Variants in PIGK observed in about 807,000 individuals in gnomAD.
The protein encoded by PIGK is GPI-anchor transamidase.
In PIGK, 42 loss-of-function variants were observed where a neutral mutation model predicts 50.6. The observed-to-expected ratio is 0.83, with a 90% CI of 0.65 to 1.07. The LOEUF is 1.07. PIGK is among the 50% of genes least tolerant of loss of function. The pLI, the probability that PIGK is intolerant of heterozygous loss-of-function variation, is 0.00. For synonymous variants in PIGK, 151 were observed against 156.0 expected (o/e 0.97, Z 0.24); for missense variants, 448 against 488.7 (o/e 0.92, Z 0.78).
chr1:77,171,585 A>G (rs566902864), intron 3 of PIGK, among the ~76,000 whole-genome samples: 19 of 152,204 alleles, frequency 1.2e-4, no homozygotes, highest in Non-Finnish European at 2.4e-4. Context: ...TCAACTTAAA[A>G]TCATAAATGT....
chr1:77,091,473 CAG>C lies in PIGK; in HGVS notation c.*899_*900del, dbSNP rs1271975208. On this transcript the variant is annotated 3_prime_UTR_variant, in exon 11 of 11. Transcript: ENST00000370812. The stretch of plus-strand genomic sequence containing the variant: ...AGTGGGCAAGGAGGTTTACCTAAAA[CAG>C]AATGAAATAAAGTCCTTGTTGGCTC... 6.6e-6 allele frequency: 1 copy of C among 152,150 alleles called. No homozygotes were observed. The highest frequency in any genetic ancestry group is 1.5e-5 in the Non-Finnish European group (1 of 68,010). The allele number at this position is 152,150 out of a possible 1,614,324, so 9.4% of individuals were successfully genotyped here.
intron 10 of PIGK, among the ~76,000 whole-genome samples, chr1:77,119,328 T>C (rs1199417969): frequency 6.6e-6 from 1 of 152,230 alleles, no homozygotes; most frequent in East Asian, 1.9e-4. Flanking sequence ...ATTCTTATTA[T>C]ACAGGTCTAT....
In PIGK at chr1:77,198,324, C is replaced by T. The variant is rs555819575; in HGVS notation, c.239+8316G>A. Reference sequence around the variant, plus strand: ...CTGTTAACTGTAAACATCACGTTACCTCTCAATAATACATTTTTCTCATGT... The same window carrying T: ...CTGTTAACTGTAAACATCACGTTACTTCTCAATAATACATTTTTCTCATGT... On this transcript the variant is annotated intron_variant, in intron 3 of 10. Coordinates refer to ENST00000370812, the MANE Select transcript of PIGK (RefSeq NM_005482.3). Among the ~76,000 whole-genome samples, 5 of 152,060 alleles carry T rather than the reference C, an allele frequency of 3.3e-5. No homozygotes were observed. The South Asian group carries it at 1.0e-3, about 32-fold the overall frequency.
At chr1:77,195,311 G>A (rs1042201089) in intron 3 of PIGK, 17 of 1,339,794 alleles carry the variant, frequency 1.3e-5, no homozygotes, top group Non-Finnish European at 1.7e-5. Flanking sequence ...AAGAAAGGCT[G>A]TTTTCAGGGC....
At chr1:77,097,412 A>G (rs919361062) in intron 10 of PIGK, among the ~76,000 whole-genome samples, 4 of 152,120 alleles carry the variant, frequency 2.6e-5, no homozygotes, top group African/African-American at 4.8e-5. Context: ...AAAGTTACCA[A>G]TTAGAGGTAA....
intron 9 of PIGK, among the ~76,000 whole-genome samples, chr1:77,144,293 A>C (rs1302782552): frequency 6.6e-6 from 1 of 151,982 alleles, no homozygotes; most frequent in East Asian, 1.9e-4. Flanking sequence ...AAAGACATAA[A>C]TCAAAGAACT....
Position 77,178,953 on chromosome 1 carries a change from G to C in PIGK, c.240-9558C>G, listed in dbSNP as rs550246162. On this transcript the variant is annotated intron_variant, in intron 3 of 10. Transcript: ENST00000370812. ...CACACTCTCACCTAAGTGAGAACCTGACTAAAAAGGGGAAATTTTTTTAAA... is the reference window on the plus strand; with the variant it reads ...CACACTCTCACCTAAGTGAGAACCTCACTAAAAAGGGGAAATTTTTTTAAA... Among the ~76,000 whole-genome samples, 4 of 152,302 alleles carry C rather than the reference G, an allele frequency of 2.6e-5. 1 individual carries two copies. In the East Asian group the frequency reaches 7.7e-4, roughly 29 times the overall value.
At chr1:77,201,115 A>G (rs916994151) in intron 3 of PIGK, among the ~76,000 whole-genome samples, 6 of 152,240 alleles carry the variant, frequency 3.9e-5, no homozygotes, top group African/African-American at 4.8e-5. Context: ...ACAGCAGCAT[A>G]AAGAGCAATA....
chr1:77,206,485 TA>T (rs1261871409), intron 3 of PIGK, among the ~76,000 whole-genome samples, 154 bp downstream of exon 3: 1 of 152,202 alleles, frequency 6.6e-6, no homozygotes, highest in Non-Finnish European at 1.5e-5. Context: ...ATCTAATTTA[TA>T]CATGGTAGTA....
At chr1:77,193,103 C>T (rs1266505926) in intron 3 of PIGK, among the ~76,000 whole-genome samples, 1 of 152,156 alleles carries the variant, frequency 6.6e-6, no homozygotes, top group Non-Finnish European at 1.5e-5. Context: ...TAATATAAAA[C>T]TCTGTGAAAT....
At chr1:77,183,064 G>C (rs1655657906) in intron 3 of PIGK, among the ~76,000 whole-genome samples, 1 of 152,140 alleles carries the variant, frequency 6.6e-6, no homozygotes, top group South Asian at 2.1e-4. Flanking sequence ...AGAAAGAGTT[G>C]AAATTGTGGA....
At chr1:77,122,398 T>C in intron 9 of PIGK, 39 bp from the exon 10 acceptor site, 1 of 1,091,680 alleles carries the variant, frequency 9.2e-7, no homozygotes, top group Middle Eastern at 2.1e-4. Context: ...CTAAGGCAAA[T>C]ACTATTTTGA....
chr1:77,208,011 T>TA (rs2100586950), intron 2 of PIGK, among the ~76,000 whole-genome samples: 2 of 152,110 alleles, frequency 1.3e-5, no homozygotes, highest in South Asian at 4.2e-4. Flanking sequence ...CACTTGAGGT[T>TA]AGGAGTTAAA....
chr1:77,184,523 T>C (rs1655696097), intron 3 of PIGK, among the ~76,000 whole-genome samples: 1 of 152,176 alleles, frequency 6.6e-6, no homozygotes, highest in South Asian at 2.1e-4. Flanking sequence ...GAAAGGGAAA[T>C]GATCAGACAT....
chr1:77,163,741 G>C, intron 6 of PIGK, 105 bp downstream of exon 6: 1 of 651,266 alleles, frequency 1.5e-6, no homozygotes, highest in Non-Finnish European at 2.6e-6. Context: ...CAAAGAAATT[G>C]TCAAAATAAG....
intron 2 of PIGK, among the ~76,000 whole-genome samples, chr1:77,208,550 T>A (rs975524035): frequency 6.6e-6 from 1 of 152,158 alleles, no homozygotes; most frequent in Non-Finnish European, 1.5e-5. Context: ...CCTAGTTTCC[T>A]GTAGAAAAAG....
chr1:77,181,994 G>A (rs1024811325), intron 3 of PIGK, among the ~76,000 whole-genome samples: 2 of 152,152 alleles, frequency 1.3e-5, no homozygotes, highest in Non-Finnish European at 2.9e-5. Context: ...TTTGCCAAAT[G>A]TTGAACAATT....
chr1:77,179,892 T>C (rs1251420860), intron 3 of PIGK, among the ~76,000 whole-genome samples: 1 of 152,208 alleles, frequency 6.6e-6, no homozygotes, highest in African/African-American at 2.4e-5. Context: ...TAAACATTCT[T>C]TGAATGCCAT....
intron 3 of PIGK, among the ~76,000 whole-genome samples, chr1:77,179,241 C>T (rs1655557275): frequency 6.6e-6 from 1 of 152,116 alleles, no homozygotes; most frequent in Non-Finnish European, 1.5e-5. Context: ...CAAATAAGTA[C>T]ATTTATGATA....
Sources: allele counts gnomAD v4.1 joint callset (sites outside exome capture counted in the v4.1 genomes callset), GRCh38; gene constraint gnomAD v4.1.1; transcripts MANE v1.5; gene names NCBI Gene and HGNC (gene_info 2026-07-23, HGNC 2026-07-21).